Variants in SDAD1 observed in about 807,000 individuals in gnomAD.
SDAD1 encodes protein SDA1 homolog.
SDAD1 carries 79 observed loss-of-function variants against 100.3 expected under a neutral mutation model. The observed-to-expected ratio is 0.79, with a 90% CI of 0.66 to 0.95. The LOEUF (loss-of-function observed/expected upper bound fraction) is 0.95, where lower values mean the gene tolerates loss of function less well. SDAD1 is among the 40% of genes least tolerant of loss of function. The pLI, the probability that SDAD1 is intolerant of heterozygous loss-of-function variation, is 0.00. For missense variants in SDAD1, 790 were observed against 810.9 expected (o/e 0.97, Z 0.31); for synonymous variants, 267 against 271.4 (o/e 0.98, Z 0.16).
Position 75,982,050 on chromosome 4 carries a change from AAAATT to A in SDAD1, c.91-18_91-14del. ...ACTGCTGTAGAAACTGCAGAAAAAT[AAAATT>A]TAAGTTTGTCACATTGTATTACATG... On this transcript the variant is annotated splice_polypyrimidine_tract_variant and intron_variant, in intron 1 of 21. Coordinates refer to ENST00000356260, the MANE Select transcript of SDAD1 (RefSeq NM_018115.4). 4 of 1,539,304 alleles carry A rather than the reference AAAATT, an allele frequency of 2.6e-6. No homozygotes were observed. Among genetic ancestry groups the A allele is most frequent in the Non-Finnish European group, 3.6e-6 (4 of 1,120,834 alleles).
chr4:75,971,511 T>C, intron 8 of SDAD1, 53 bp from the exon 9 acceptor site: 2 of 1,313,232 alleles, frequency 1.5e-6, no homozygotes, highest in Non-Finnish European at 2.2e-6. Flanking sequence ...CTGCATAGAA[T>C]GAAAGAGTAA....
intron 14 of SDAD1, among the ~76,000 whole-genome samples, chr4:75,962,897 C>T (rs957444035): frequency 2.0e-5 from 3 of 152,102 alleles, no homozygotes; most frequent in Admixed American, 2.0e-4. Flanking sequence ...TTTAGTTTAA[C>T]TAGATCCCAC....
chr4:75,975,750 T>C lies in SDAD1; in HGVS notation c.572A>G (p.Asn191Ser), dbSNP rs754407930. Residue 191 changes from asparagine to serine, a missense_variant, in exon 6 of 22, where the codon AAC (asparagine) becomes AGC (serine). By Grantham distance (46) the Asn-to-Ser change is conservative (BLOSUM62 1). Coordinates refer to ENST00000356260, the MANE Select transcript of SDAD1 (RefSeq NM_018115.4). ...ACAAATATATATACACTACCAGATG[T>C]TCCTTCTGTAGAGTTCAATCATTAC... ...LDVMIELYRR[N>S]IWNDAKTVNV... 5 of 1,609,238 alleles carry C rather than the reference T, an allele frequency of 3.1e-6. No homozygotes were observed. Among genetic ancestry groups the C allele is most frequent in the Non-Finnish European group, 4.3e-6 (5 of 1,175,606 alleles).
At chr4:75,950,886 C>A in intron 21 of SDAD1, 89 bp from the exon 22 acceptor site, 1 of 792,122 alleles carries the variant, frequency 1.3e-6, no homozygotes, top group African/African-American at 1.7e-5. Context: ...AAAAAGGAAT[C>A]ACCAAGTCAA....
chr4:75,953,381 A>T (rs1241345788), intron 21 of SDAD1, among the ~76,000 whole-genome samples: 1 of 152,212 alleles, frequency 6.6e-6, no homozygotes, highest in Admixed American at 6.5e-5. Flanking sequence ...AGGCCTACCA[A>T]CAGGGTAATT....
At position 75,990,901 on chromosome 4, in the gene SDAD1, C is replaced by G. The variant is rs1731232488; in HGVS notation, c.-60G>C. On this transcript the variant is annotated 5_prime_UTR_variant, in exon 1 of 22. Transcript: ENST00000356260. ...TAAAAAAACTCAGACGGCCGGCACC[C>G]CGCAATCCCTGCCAGCTGCAGCTTG... 5 of 1,602,074 alleles carry G rather than the reference C, an allele frequency of 3.1e-6. No individual in the cohort carries two copies. Among genetic ancestry groups the G allele is most frequent in the Non-Finnish European group, 4.3e-6 (5 of 1,170,778 alleles).
chr4:75,990,698 G>A (rs1731210521), intron 1 of SDAD1, 54 bp downstream of exon 1: 1 of 1,610,968 alleles, frequency 6.2e-7, no homozygotes, highest in Non-Finnish European at 8.5e-7. Context: ...TCCCGCACCG[G>A]CGTCTCAACC....
intron 21 of SDAD1, among the ~76,000 whole-genome samples, chr4:75,952,351 A>G (rs1003943234): frequency 6.6e-6 from 1 of 152,242 alleles, no homozygotes; most frequent in Non-Finnish European, 1.5e-5. Context: ...GTAGCAAAGC[A>G]CAGCCTACTC....
At chr4:75,958,632 T>C (rs1729042699) in intron 17 of SDAD1, among the ~76,000 whole-genome samples, 1 of 152,136 alleles carries the variant, frequency 6.6e-6, no homozygotes, top group African/African-American at 2.4e-5. Flanking sequence ...CCAAACTCTA[T>C]CTCAAGCCTC....
chr4:75,971,325 C>T (rs559715680), intron 9 of SDAD1, 32 bp downstream of exon 9: 1 of 1,432,180 alleles, frequency 7.0e-7, no homozygotes, highest in African/African-American at 1.4e-5. Context: ...ACTCTAATCA[C>T]TCCTATCTCA....
At chr4:75,990,706 ACCATCCACTAT>A (rs768316108) in intron 1 of SDAD1, 35 bp downstream of exon 1, 2 of 1,611,936 alleles carry the variant, frequency 1.2e-6, no homozygotes, top group South Asian at 2.2e-5. Flanking sequence ...CGGCGTCTCA[ACCATCCACTAT>A]CCGGCCTCTA....
At position 75,973,403 on chromosome 4, in the gene SDAD1, T is replaced by G; in HGVS notation, c.637-12A>C. The stretch of plus-strand genomic sequence containing the variant: ...GCGGCAACTAATATCTAAACACCAA[T>G]GAGAAAAAAGTCAGCTACTTGATTC... On this transcript the variant is annotated splice_polypyrimidine_tract_variant and intron_variant, in intron 7 of 21. Transcript: ENST00000356260. 2 of 1,607,348 alleles carry G rather than the reference T, an allele frequency of 1.2e-6. No homozygotes were observed. The highest frequency in any genetic ancestry group is 1.7e-6 in the Non-Finnish European group (2 of 1,174,404).
chr4:75,970,191 C>A, intron 10 of SDAD1, 118 bp downstream of exon 10: 1 of 770,362 alleles, frequency 1.3e-6, no homozygotes, highest in Non-Finnish European at 2.2e-6. Flanking sequence ...AACAACTAAG[C>A]ATTTATTGAC....
intron 9 of SDAD1, among the ~76,000 whole-genome samples, 167 bp downstream of exon 9, chr4:75,971,190 G>C (rs180786096): frequency 2.1e-4 from 32 of 152,276 alleles, no homozygotes; most frequent in Non-Finnish European, 1.5e-4. Flanking sequence ...TTTTGCTAGA[G>C]CTGAATACAT....
chr4:75,966,450 AG>A (rs1445969695), intron 12 of SDAD1, among the ~76,000 whole-genome samples: 1 of 152,128 alleles, frequency 6.6e-6, no homozygotes, highest in Non-Finnish European at 1.5e-5. Context: ...ATACCTCACA[AG>A]ATTAATGTGA....
chr4:75,985,769 A>G (rs1261555268), intron 1 of SDAD1, among the ~76,000 whole-genome samples: 3 of 152,128 alleles, frequency 2.0e-5, no homozygotes, highest in Admixed American at 1.3e-4. Flanking sequence ...CAATAACTAT[A>G]TTACAACTCC....
rs143777133 is a variant in SDAD1, at chr4:75,961,221, G to A, written c.1269C>T (p.His423=). 2.7e-5 allele frequency: 43 copies of A among 1,613,606 alleles called. No homozygotes were observed. The highest frequency in any genetic ancestry group is 3.6e-5 in the Non-Finnish European group (42 of 1,179,676). Residue 423 remains histidine, a synonymous_variant, in exon 15 of 22, where the codon CAC becomes CAT. Transcript: ENST00000356260. ...LLQDLAQYKT[H]KDKNVMMSAR... is the part of the protein sequence containing the mutation. ...TAACATGCAGCTTACTCTTATCCTT[G>A]TGTGTTTTATACTGAGCCAGGTCTT...
chr4:75,957,549 A>G lies in SDAD1; in HGVS notation c.1738T>C (p.Tyr580His). Residue 580 changes from tyrosine (Y) to histidine (H), a missense_variant, in exon 19 of 22, where the codon TAC becomes CAC. Transcript: ENST00000356260. ...AAPGKSQKRKYIEIDSDEEPR... is the reference protein window; with the variant it reads ...AAPGKSQKRKHIEIDSDEEPR... Reference sequence around the variant, plus strand: ...TCTTCATCACTGTCTATTTCAATGTATTTCCTCTTCTGGGATTTCCCGGGG... The same window carrying G: ...TCTTCATCACTGTCTATTTCAATGTGTTTCCTCTTCTGGGATTTCCCGGGG... 2 of 1,614,136 alleles carry G rather than the reference A, an allele frequency of 1.2e-6. No individual in the cohort carries two copies. Among genetic ancestry groups the G allele is most frequent in the Non-Finnish European group, 1.7e-6 (2 of 1,180,032 alleles).
intron 14 of SDAD1, among the ~76,000 whole-genome samples, chr4:75,962,078 G>T (rs1480386002): frequency 1.3e-5 from 2 of 152,266 alleles, no homozygotes; most frequent in Admixed American, 6.5e-5. Flanking sequence ...GCCCCGGTGT[G>T]TGATGTTCCC....
Sources: allele counts gnomAD v4.1 joint callset (sites outside exome capture counted in the v4.1 genomes callset), GRCh38; gene constraint gnomAD v4.1.1; transcripts MANE v1.5; gene names NCBI Gene and HGNC (gene_info 2026-07-23, HGNC 2026-07-21).